Variants in FMNL3 observed in about 807,000 individuals in gnomAD.
The protein encoded by FMNL3 is formin-like protein 3.
Under a neutral mutation model 119.6 loss-of-function variants are expected in FMNL3, and 57 were observed. The ratio of observed to expected loss-of-function variants is 0.48; its 90% CI spans 0.39 to 0.59. The LOEUF is 0.59. FMNL3 is among the 20% of genes least tolerant of loss of function. The pLI, the probability that FMNL3 is intolerant of heterozygous loss-of-function variation, is 0.00. For missense variants in FMNL3, 1,053 were observed against 1,323.5 expected (o/e 0.80, Z 3.17); for synonymous variants, 491 against 507.3 (o/e 0.97, Z 0.43).
chr12:49,640,885 A>G lies in FMNL3; in HGVS notation c.*4930T>C, dbSNP rs8626. ...CTGCTTGATGGAAGGAGCCAGTAAC[A>G]AGGGTGACTTGGAGCTTTCAATTCC... On this transcript the variant is annotated 3_prime_UTR_variant, in exon 26 of 26. Coordinates refer to ENST00000335154, the MANE Select transcript of FMNL3 (RefSeq NM_175736.5). The G allele has an allele frequency of 0.25, 37,831 of 152,134 alleles. 7,593 individuals are homozygous for G. Among genetic ancestry groups the G allele is most frequent in the African/African-American group, 0.56 (23,368 of 41,436 alleles). 9.4% of individuals were successfully genotyped at this position (152,134 alleles called of 1,614,324 possible).
chr12:49,673,133 C>T (rs1313277987), intron 1 of FMNL3, among the ~76,000 whole-genome samples: 1 of 152,184 alleles, frequency 6.6e-6, no homozygotes, highest in Non-Finnish European at 1.5e-5. Context: ...TAGCCTCAGC[C>T]CCCACACTCA....
At chr12:49,656,354 C>T (rs765305681) in intron 9 of FMNL3, 50 bp downstream of exon 9, 21 of 1,485,368 alleles carry the variant, frequency 1.4e-5, no homozygotes, top group Middle Eastern at 2.1e-4. Flanking sequence ...TAGCTCCCTG[C>T]CTTCTCCCCC....
chr12:49,637,333 ATC>A lies in FMNL3; in HGVS notation c.*8480_*8481del. On this transcript the variant is annotated 3_prime_UTR_variant, in exon 26 of 26. Transcript: ENST00000335154. ...CTCAGCCTTCCATCTGCATCTCTTC[ATC>A]TCTGCCTCTCTTGCCTGCATTTCCT... 1.6e-6 allele frequency: 1 copy of A among 632,884 alleles called. No homozygotes were observed. Among genetic ancestry groups the A allele is most frequent in the Non-Finnish European group, 2.8e-6 (1 of 354,934 alleles). 39.2% of individuals were successfully genotyped at this position (632,884 alleles called of 1,614,324 possible).
chr12:49,647,621 G>C lies in FMNL3; in HGVS notation c.2778+82C>G. ...AGGACTCGGAGGAGGAGTCGGAAAA[G>C]GCCCATACTTTAAGCCCAGGCTTCT... On this transcript the variant is annotated intron_variant, in intron 23 of 25. Coordinates refer to ENST00000335154, the MANE Select transcript of FMNL3 (RefSeq NM_175736.5). The surrounding 1 kb of genome is among the most constrained non-coding windows in gnomAD (Gnocchi z 4.9). 7.9e-7 allele frequency: 1 copy of C among 1,269,236 alleles called. No homozygotes were observed. The highest frequency in any genetic ancestry group is 1.3e-5 in the South Asian group (1 of 79,626). The allele number at this position is 1,269,236 out of a possible 1,614,324, so 78.6% of individuals were successfully genotyped here. A position where few individuals can be genotyped will look rare whatever the true frequency, so the allele number is the denominator to read the frequency against.
At chr12:49,694,624 T>TACTA (rs1944701923) in intron 1 of FMNL3, among the ~76,000 whole-genome samples, 1 of 152,146 alleles carries the variant, frequency 6.6e-6, no homozygotes, top group African/African-American at 2.4e-5. Context: ...ATAATAAGTA[T>TACTA]ATCAGGACGA....
chr12:49,656,716 C>G, intron 8 of FMNL3, 107 bp downstream of exon 8: 1 of 1,149,932 alleles, frequency 8.7e-7, no homozygotes, highest in Admixed American at 1.8e-5. Context: ...CAAACCAAGG[C>G]TCTTGACAGG....
At chr12:49,653,163 C>T (rs546899110) in intron 13 of FMNL3, 63 bp downstream of exon 13, 1 of 1,475,868 alleles carries the variant, frequency 6.8e-7, no homozygotes, top group Non-Finnish European at 9.4e-7. Flanking sequence ...GGAAAAAAAG[C>T]AGAACCCCAA....
chr12:49,683,775 C>T (rs1389512506), intron 1 of FMNL3, among the ~76,000 whole-genome samples: 1 of 152,112 alleles, frequency 6.6e-6, no homozygotes, highest in African/African-American at 2.4e-5. Context: ...CCCTCCTTAC[C>T]ACTTGAGCCC....
chr12:49,688,850 T>A (rs185331533), intron 1 of FMNL3, among the ~76,000 whole-genome samples: 3 of 152,192 alleles, frequency 2.0e-5, no homozygotes, highest in African/African-American at 7.2e-5. Context: ...CTCACAAACA[T>A]TGGACACTGT....
At chr12:49,699,617 C>T (rs1944847192) in intron 1 of FMNL3, among the ~76,000 whole-genome samples, 1 of 152,138 alleles carries the variant, frequency 6.6e-6, no homozygotes, top group Admixed American at 6.5e-5. Flanking sequence ...ACAATGGCAT[C>T]CATTTTATTA....
chr12:49,671,303 G>C (rs1482350098), intron 1 of FMNL3, among the ~76,000 whole-genome samples: 3 of 152,264 alleles, frequency 2.0e-5, no homozygotes, highest in Non-Finnish European at 4.4e-5. Context: ...CCCCAGGAAG[G>C]AATGATCCCA....
At chr12:49,655,325 G>A (rs748870301) in intron 9 of FMNL3, among the ~76,000 whole-genome samples, 1 of 152,166 alleles carries the variant, frequency 6.6e-6, no homozygotes, top group Admixed American at 6.5e-5. Flanking sequence ...CCAGCTACTT[G>A]GGAGGCAGAG....
rs1235518616 is a variant in FMNL3 at position 49,652,122 on chromosome 12, C to G, written c.1414G>C (p.Glu472Gln). The G allele has an allele frequency of 6.2e-7, 1 of 1,613,260 alleles. No homozygotes were observed. The highest frequency in any genetic ancestry group is 1.1e-5 in the South Asian group (1 of 90,764). The stretch of plus-strand genomic sequence containing the variant: ...GACTCCAGGCCCCGGACATTTGGCT[C>G]CAAATGACATCGACGCTGAAAGGCC... ...EEAFQRRCHL[E>Q]PNVRGLESVD... Residue 472 changes from glutamate (E) to glutamine (Q), a missense_variant, in exon 14 of 26, where the codon GAG (glutamate) becomes CAG (glutamine). Around this residue, in one of 4 missense-constraint regions of FMNL3, gnomAD observed 445 missense variants for 628.4 expected, o/e 0.71. Coordinates refer to ENST00000335154, the MANE Select transcript of FMNL3 (RefSeq NM_175736.5).
intron 22 of FMNL3, 148 bp downstream of exon 22, chr12:49,648,045 T>G (rs1943265065): frequency 4.9e-6 from 5 of 1,028,792 alleles, no homozygotes; most frequent in African/African-American, 1.6e-5. Context: ...CAGAGGCAGC[T>G]GCCTGGCACT....
chr12:49,689,427 T>G (rs1435758042), intron 1 of FMNL3, among the ~76,000 whole-genome samples: 2 of 152,314 alleles, frequency 1.3e-5, no homozygotes, highest in East Asian at 3.9e-4. Context: ...GGAAAGTCCC[T>G]TTTCTAACAA....
chr12:49,645,647 G>A lies in FMNL3; in HGVS notation c.*168C>T. 1 of 590,142 alleles carries A rather than the reference G, an allele frequency of 1.7e-6. No individual in the cohort carries two copies. The allele number at this position is 590,142 out of a possible 1,614,324, so 36.6% of individuals were successfully genotyped here. The stretch of plus-strand genomic sequence containing the variant: ...GTACTGGAAGCACCAGGGACCTACA[G>A]ACCTAGTGCCCATAGTGGCACAAGT... On this transcript the variant is annotated 3_prime_UTR_variant, in exon 26 of 26. Transcript: ENST00000335154.
chr12:49,698,584 A>G (rs540942940), intron 1 of FMNL3, among the ~76,000 whole-genome samples: 70 of 152,022 alleles, frequency 4.6e-4, no homozygotes, highest in African/African-American at 1.6e-3. Context: ...CCCAACCCAC[A>G]ACTTTGTTGT....
Position 49,643,124 on chromosome 12 carries a change from C to G in FMNL3, c.*2691G>C, listed in dbSNP as rs2138662797. 1 of 1,584,926 alleles carries G rather than the reference C, an allele frequency of 6.3e-7. No individual in the cohort carries two copies. Among genetic ancestry groups the G allele is most frequent in the Non-Finnish European group, 8.6e-7 (1 of 1,157,236 alleles). On this transcript the variant is annotated 3_prime_UTR_variant, in exon 26 of 26. Transcript: ENST00000335154. ...TCCCTTGGAGGGAAGTTTGAGGATTCCTTTGGCCCTGGGTCCTCCTCCTCT... is the reference window on the plus strand; with the variant it reads ...TCCCTTGGAGGGAAGTTTGAGGATTGCTTTGGCCCTGGGTCCTCCTCCTCT...
rs533470593 is a variant in FMNL3 at position 49,655,807 on chromosome 12, G to C, written c.885+597C>G. ...TGCTAGGGAAGAGGTCCAAAGAAGA[G>C]GAAGGGGTGGGACCACCAGCTGTGG... On this transcript the variant is annotated intron_variant, in intron 9 of 25. Coordinates refer to ENST00000335154, the MANE Select transcript of FMNL3 (RefSeq NM_175736.5). Among the ~76,000 whole-genome samples the C allele has an allele frequency of 3.9e-5, 6 of 152,230 alleles. No individual in the cohort carries two copies. In the South Asian group the frequency reaches 1.2e-3, roughly 32 times the overall value.
Sources: gnomAD v4.1 joint callset for allele counts (sites outside exome capture counted in the v4.1 genomes callset) on GRCh38, gnomAD v4.1.1 for gene constraint, gnomAD v4.1.1 regional missense constraint, Gnocchi (gnomAD v3.1) non-coding constraint, MANE v1.5 for transcripts, NCBI Gene and HGNC (gene_info 2026-07-23, HGNC 2026-07-21) for gene names.